Variants in CTNNA2 observed in about 807,000 individuals in gnomAD.
CTNNA2 encodes catenin alpha-2.
A neutral mutation model predicts 101.0 loss-of-function variants in CTNNA2; 42 were observed. The ratio of observed to expected loss-of-function variants is 0.42; its 90% CI spans 0.32 to 0.54. The LOEUF (loss-of-function observed/expected upper bound fraction) is 0.54. CTNNA2 is among the 20% of genes least tolerant of loss of function. The pLI is 0.14. For missense variants in CTNNA2, 871 were observed against 1,223.1 expected (o/e 0.71, Z 4.29); for synonymous variants, 450 against 456.4 (o/e 0.99, Z 0.18).
At chr2:80,535,553 T>C (rs778019690) in intron 9 of CTNNA2, among the ~76,000 whole-genome samples, 3 of 152,174 alleles carry the variant, frequency 2.0e-5, no homozygotes, top group Non-Finnish European at 4.4e-5. Context: ...AGTCAGAACA[T>C]AAACCCTGGG....
chr2:79,740,269 G>C (rs74348744), intron 2 of CTNNA2, among the ~76,000 whole-genome samples: 1 of 152,066 alleles, frequency 6.6e-6, no homozygotes, highest in African/African-American at 2.4e-5. Flanking sequence ...TGCAGTATTC[G>C]ATTTTGTTTG....
intron 7 of CTNNA2, among the ~76,000 whole-genome samples, chr2:80,335,120 A>G (rs1671658366): frequency 6.6e-6 from 1 of 152,226 alleles, no homozygotes; most frequent in Non-Finnish European, 1.5e-5. Context: ...CAGTTTCAGT[A>G]TGAGGTTAGG....
At chr2:79,368,847 T>A (rs1432835231) in intron 3 of CTNNA2, among the ~76,000 whole-genome samples, 1 of 152,220 alleles carries the variant, frequency 6.6e-6, no homozygotes, top group Non-Finnish European at 1.5e-5. Flanking sequence ...TATCACACTT[T>A]ATCACTTTGT....
chr2:80,021,312 G>A (rs750561015), intron 7 of CTNNA2, among the ~76,000 whole-genome samples: 3 of 152,012 alleles, frequency 2.0e-5, no homozygotes, highest in South Asian at 2.1e-4. Context: ...GAGCCACCAC[G>A]CCCGGACTAA....
intron 7 of CTNNA2, among the ~76,000 whole-genome samples, chr2:80,012,977 A>G (rs748278506): frequency 6.6e-6 from 1 of 152,144 alleles, no homozygotes; most frequent in African/African-American, 2.4e-5. Context: ...CATTCTGGGC[A>G]ACATAATGAG....
At chr2:79,479,660 C>G (rs1160744872) in intron 4 of CTNNA2, among the ~76,000 whole-genome samples, 1 of 152,042 alleles carries the variant, frequency 6.6e-6, no homozygotes, top group Non-Finnish European at 1.5e-5. Flanking sequence ...TGGTGGCTCA[C>G]ACTTGTAATC....
At chr2:79,456,208 T>C (rs1219564198) in intron 4 of CTNNA2, among the ~76,000 whole-genome samples, 1 of 151,412 alleles carries the variant, frequency 6.6e-6, no homozygotes, top group Non-Finnish European at 1.5e-5. Context: ...CTTTACATTA[T>C]TTTAAATTAC....
intron 4 of CTNNA2, among the ~76,000 whole-genome samples, chr2:79,425,452 A>G (rs1475695625): frequency 6.6e-6 from 1 of 152,146 alleles, no homozygotes; most frequent in African/African-American, 2.4e-5. Context: ...CTGGGAGTCC[A>G]AGATTATAGT....
At chr2:80,004,703 T>C (rs11903186) in intron 7 of CTNNA2, among the ~76,000 whole-genome samples, 12 of 103,868 alleles carry the variant, frequency 1.2e-4, no homozygotes, top group African/African-American at 3.7e-4. Flanking sequence ...ATTTATTTAT[T>C]TATTTATCCA....
intron 7 of CTNNA2, among the ~76,000 whole-genome samples, chr2:80,327,144 G>T (rs1175878727): frequency 6.6e-6 from 1 of 152,196 alleles, no homozygotes; most frequent in East Asian, 1.9e-4. Context: ...TCTGAGGGCA[G>T]CTGTAAGAAA....
chr2:79,617,221 A>G (rs948155208), intron 1 of CTNNA2, among the ~76,000 whole-genome samples: 1 of 152,030 alleles, frequency 6.6e-6, no homozygotes, highest in South Asian at 2.1e-4. Context: ...TCTTTTATCT[A>G]TGATATTTTG....
At position 80,457,310 on chromosome 2, in the gene CTNNA2, C is replaced by T. The variant is rs190944168; in HGVS notation, c.1290+37709C>T. Among the ~76,000 whole-genome samples the T allele has an allele frequency of 8.6e-4, 131 of 152,106 alleles. 1 individual carries two copies. The East Asian group carries it at 0.021, about 25-fold the overall frequency. On this transcript the variant is annotated intron_variant, in intron 9 of 18. Transcript: ENST00000402739. ...AACTCCTGACCTCAGGTTTTCTGCCCGCCTTGGCCTCCCAAACTGCTGAGA... is the reference window on the plus strand; with the variant it reads ...AACTCCTGACCTCAGGTTTTCTGCCTGCCTTGGCCTCCCAAACTGCTGAGA...
intron 7 of CTNNA2, among the ~76,000 whole-genome samples, chr2:79,915,472 T>A (rs553191282): frequency 6.6e-6 from 1 of 152,216 alleles, no homozygotes; most frequent in Non-Finnish European, 1.5e-5. Flanking sequence ...CTGCATAGCA[T>A]TTTATTATAT....
At chr2:79,467,211 C>G (rs905896371) in intron 4 of CTNNA2, among the ~76,000 whole-genome samples, 4 of 152,088 alleles carry the variant, frequency 2.6e-5, no homozygotes, top group African/African-American at 9.7e-5. Context: ...AACCATGGCA[C>G]GAGAACTACA....
intron 2 of CTNNA2, among the ~76,000 whole-genome samples, chr2:79,707,651 A>G (rs1022278197): frequency 4.6e-5 from 7 of 152,196 alleles, no homozygotes; most frequent in African/African-American, 1.7e-4. Flanking sequence ...TAGTACTTAT[A>G]TCTGTTTTAC....
chr2:79,540,239 A>G (rs1673324050), intron 1 of CTNNA2, among the ~76,000 whole-genome samples: 1 of 152,192 alleles, frequency 6.6e-6, no homozygotes, highest in Non-Finnish European at 1.5e-5. Context: ...GGCTGTGTTT[A>G]GGTACAACAC....
At chr2:80,459,459 T>C (rs1006822095) in intron 9 of CTNNA2, among the ~76,000 whole-genome samples, 2 of 152,166 alleles carry the variant, frequency 1.3e-5, no homozygotes, top group African/African-American at 2.4e-5. Flanking sequence ...ATGTACATTT[T>C]TGAATTCAGC....
chr2:80,288,148 A>C (rs1674932827), intron 7 of CTNNA2, among the ~76,000 whole-genome samples: 1 of 152,170 alleles, frequency 6.6e-6, no homozygotes, highest in Non-Finnish European at 1.5e-5. Context: ...CATTCAACTG[A>C]AAGTGAGGCA....
chr2:79,981,264 AAGGG>A (rs999395343), intron 7 of CTNNA2, among the ~76,000 whole-genome samples: 6 of 152,122 alleles, frequency 3.9e-5, no homozygotes, highest in African/African-American at 1.4e-4. Context: ...TTTTTAGACT[AAGGG>A]GAGATAAAAT....
Sources: gnomAD v4.1 joint callset for allele counts (sites outside exome capture counted in the v4.1 genomes callset) on GRCh38, gnomAD v4.1.1 for gene constraint, MANE v1.5 for transcripts, NCBI Gene and HGNC (gene_info 2026-07-23, HGNC 2026-07-21) for gene names.